The following EMILIN2 variants were observed in gnomAD, a reference collection of about 807,000 sequenced individuals.
EMILIN2 encodes elastin microfibril interfacer 2, also known as EMILIN-2.
Under a neutral mutation model 87.1 loss-of-function variants are expected in EMILIN2, and 71 were observed. The observed-to-expected ratio is 0.82, with a 90% CI of 0.67 to 0.99. The LOEUF (loss-of-function observed/expected upper bound fraction) is 0.99, where lower values mean the gene tolerates loss of function less well. Ranked by LOEUF, EMILIN2 falls within the 50% of genes least tolerant of loss-of-function variation. The probability of loss-of-function intolerance (pLI) is 0.00; values close to 1 mark genes in which losing one functional copy is unlikely to be tolerated. For synonymous variants in EMILIN2, 581 were observed against 563.4 expected, an observed-to-expected ratio of 1.03 and a Z score of -0.44; for missense variants, 1,407 against 1,371.8, an observed-to-expected ratio of 1.03 and a Z score of -0.40.
chr18:2,905,775 G>GTTT (rs1006831509), intron 4 of EMILIN2, among the ~76,000 whole-genome samples: 1 of 92,714 alleles, frequency 1.1e-5, no homozygotes, highest in Non-Finnish European at 2.2e-5. Flanking sequence ...GCTAATTTTT[G>GTTT]TTTTTTTGTT....
chr18:2,883,980 G>A (rs1278502740), intron 2 of EMILIN2, among the ~76,000 whole-genome samples: 2 of 152,078 alleles, frequency 1.3e-5, no homozygotes, highest in African/African-American at 2.4e-5. Context: ...TTTTGAGTTG[G>A]AGTCTTGCTC....
Position 2,892,240 on chromosome 18 carries a change from A to G in EMILIN2, c.2113A>G (p.Arg705Gly), listed in dbSNP as rs1555668969. Residue 705 changes from arginine (R) to glycine (G), a missense_variant, in exon 4 of 8, where the codon AGG becomes GGG. Arg to Gly is a moderately radical substitution (Grantham distance 125). Coordinates refer to ENST00000254528, the MANE Select transcript of EMILIN2 (RefSeq NM_032048.3). ...GAGGGAGGTCTCCATGGTGGAGGGC[A>G]GGGTGTCTCATATGGAGAAAACTTG... The part of the protein sequence containing the change: ...VQREVSMVEG[R>G]VSHMEKTCSK... 6.2e-7 allele frequency: 1 copy of G among 1,612,648 alleles called. No homozygotes were observed. The highest frequency in any genetic ancestry group is 1.1e-5 in the South Asian group (1 of 91,036).
intron 2 of EMILIN2, among the ~76,000 whole-genome samples, chr18:2,860,423 T>G (rs1403085080): frequency 1.3e-5 from 2 of 152,160 alleles, no homozygotes; most frequent in African/African-American, 4.8e-5. Context: ...GTGTGTGATG[T>G]TCCCCTTCCT....
rs1207984280 is a variant in EMILIN2, at chr18:2,892,149, G to A, written c.2022G>A (p.Trp674Ter). Residue 674 changes from tryptophan (W) to a stop codon, truncating the protein, a stop_gained, in exon 4 of 8, where the codon TGG becomes TGA. Coordinates refer to ENST00000254528, the MANE Select transcript of EMILIN2 (RefSeq NM_032048.3). LOFTEE classifies it high-confidence loss of function. ...AHCCSQLEER[W>*]QRLQSQVISE... ...GCTGCAGTCAGCTGGAGGAGAGGTG[G>A]CAGAGGTTGCAGAGCCAGGTCATCT... 1.9e-6 allele frequency: 3 copies of A among 1,607,916 alleles called. No individual in the cohort carries two copies. Among genetic ancestry groups the A allele is most frequent in the Non-Finnish European group, 2.6e-6 (3 of 1,175,914 alleles).
chr18:2,852,349 C>T (rs1327587471), intron 2 of EMILIN2, among the ~76,000 whole-genome samples: 3 of 152,094 alleles, frequency 2.0e-5, no homozygotes, highest in Admixed American at 2.0e-4. Context: ...CTGCATGGAC[C>T]AGTGAGCTCG....
chr18:2,863,431 G>C (rs956389870), intron 2 of EMILIN2, among the ~76,000 whole-genome samples: 1 of 151,994 alleles, frequency 6.6e-6, no homozygotes, highest in Non-Finnish European at 1.5e-5. Flanking sequence ...CTTTGTTCTC[G>C]TTGGTTTCAC....
At chr18:2,846,874 G>T, upstream of EMILIN2, 1 of 985,174 alleles carries the variant, frequency 1.0e-6, no homozygotes, top group South Asian at 4.7e-5. This position sits in a 1 kb window ranked among gnomAD's most constrained non-coding sequence, Gnocchi z 5.3. Context: ...GAAGCGAAGG[G>T]ACTGGAGACG....
At chr18:2,868,421 T>C (rs2076701042) in intron 2 of EMILIN2, among the ~76,000 whole-genome samples, 2 of 152,178 alleles carry the variant, frequency 1.3e-5, no homozygotes, top group African/African-American at 2.4e-5. Context: ...GACTGCAATC[T>C]CGGCTCTTTG....
chr18:2,858,791 A>T (rs910959733), intron 2 of EMILIN2, among the ~76,000 whole-genome samples: 13 of 150,876 alleles, frequency 8.6e-5, no homozygotes, highest in Non-Finnish European at 1.0e-4. Flanking sequence ...GCCTGCCACC[A>T]TGCCCGGCTA....
chr18:2,885,189 T>G, intron 3 of EMILIN2, 50 bp downstream of exon 3: 17 of 1,486,246 alleles, frequency 1.1e-5, no homozygotes, highest in Non-Finnish European at 1.4e-5. Context: ...ATATTTCCGG[T>G]GCTCCTTCAA....
At chr18:2,876,133 C>A (rs1179732777) in intron 2 of EMILIN2, among the ~76,000 whole-genome samples, 1 of 151,842 alleles carries the variant, frequency 6.6e-6, no homozygotes, top group Non-Finnish European at 1.5e-5. Flanking sequence ...AGGCGCGTGC[C>A]ACCACACCCA....
At position 2,906,768 on chromosome 18, in the gene EMILIN2, C is replaced by A; in HGVS notation, c.2360-15C>A. ...TCCTAATCCCGTGTGTTTCTTTCTC[C>A]CCGACGCCCGGCAGAGGCGCCCTCG... On this transcript the variant is annotated splice_polypyrimidine_tract_variant and intron_variant, in intron 4 of 7. Coordinates refer to ENST00000254528, the MANE Select transcript of EMILIN2 (RefSeq NM_032048.3). 1 of 1,255,552 alleles carries A rather than the reference C, an allele frequency of 8.0e-7. No individual in the cohort carries two copies. Among genetic ancestry groups the A allele is most frequent in the Non-Finnish European group, 1.0e-6 (1 of 1,003,832 alleles). The allele number at this position is 1,255,552 out of a possible 1,614,324, so 77.8% of individuals were successfully genotyped here. A position where few individuals can be genotyped will look rare whatever the true frequency, so the allele number is the denominator to read the frequency against.
At position 2,913,620 on chromosome 18, in the gene EMILIN2, G is replaced by A; in HGVS notation, c.*216G>A. The A allele has an allele frequency of 1.9e-6, 1 of 528,428 alleles. No homozygotes were observed. 32.7% of individuals were successfully genotyped at this position (528,428 alleles called of 1,614,324 possible). On this transcript the variant is annotated 3_prime_UTR_variant, in exon 8 of 8. Coordinates refer to ENST00000254528, the MANE Select transcript of EMILIN2 (RefSeq NM_032048.3). ...GGTGAACATGGCCACTGACTTTTCT[G>A]CCACTCTAACTGGACAACTGGAAGA... is the stretch of plus-strand genomic sequence containing the variant.
intron 2 of EMILIN2, among the ~76,000 whole-genome samples, chr18:2,882,839 C>T (rs576641132): frequency 4.0e-5 from 6 of 151,024 alleles, no homozygotes; most frequent in African/African-American, 4.9e-5. Context: ...GCCGAGATCG[C>T]GCCATTGTAC....
chr18:2,913,748 G>A lies in EMILIN2; in HGVS notation c.*344G>A. ...ACTGTGGGCTGGGAGGAGGGAGGCA[G>A]GGGAGAGCCGGTCACGGTGGCTGGT... On this transcript the variant is annotated 3_prime_UTR_variant, in exon 8 of 8. Coordinates refer to ENST00000254528, the MANE Select transcript of EMILIN2 (RefSeq NM_032048.3). 4.0e-6 allele frequency: 1 copy of A among 252,368 alleles called. No individual in the cohort carries two copies. Among genetic ancestry groups the A allele is most frequent in the Non-Finnish European group, 7.6e-6 (1 of 130,960 alleles). 15.6% of individuals were successfully genotyped at this position (252,368 alleles called of 1,614,324 possible). A position where few individuals can be genotyped will look rare whatever the true frequency, so the allele number is the denominator to read the frequency against.
upstream of EMILIN2, chr18:2,846,917 G>C (rs917904785): frequency 1.0e-4 from 102 of 990,724 alleles, no homozygotes; most frequent in Non-Finnish European, 1.2e-4. The surrounding 1 kb of genome is among the most constrained non-coding windows in gnomAD (Gnocchi z 5.3). Context: ...TCACGTTTCG[G>C]AGAGGGAAGT....
chr18:2,885,222 A>G (rs2076797713), intron 3 of EMILIN2, 83 bp downstream of exon 3: 2 of 1,427,166 alleles, frequency 1.4e-6, no homozygotes, highest in Admixed American at 2.5e-5. Context: ...GTGCTTTACA[A>G]TGGTGAGCTT....
At chr18:2,852,414 T>C (rs1038570337) in intron 2 of EMILIN2, among the ~76,000 whole-genome samples, 1 of 152,188 alleles carries the variant, frequency 6.6e-6, no homozygotes, top group Non-Finnish European at 1.5e-5. Flanking sequence ...AACATGAAAC[T>C]TGTCACAGGG....
In EMILIN2 at chr18:2,905,779, T is replaced by G. The variant is rs1401864030; in HGVS notation, c.2360-1004T>G. ...CACTACCCCGGGCTAATTTTTGTTT[T>G]TTTGTTTTTTTTTTTTGGATATTTG... On this transcript the variant is annotated intron_variant, in intron 4 of 7. Coordinates refer to ENST00000254528, the MANE Select transcript of EMILIN2 (RefSeq NM_032048.3). Among the ~76,000 whole-genome samples, 103 of 100,878 alleles carry G rather than the reference T, an allele frequency of 1.0e-3. 1 individual carries two copies. The highest frequency in any genetic ancestry group is 2.8e-3 in the African/African-American group (60 of 21,806). The allele number at this position is 100,878 out of a possible 152,430, so 66.2% of individuals were successfully genotyped here.
Sources: gnomAD v4.1 joint callset for allele counts (sites outside exome capture counted in the v4.1 genomes callset) on GRCh38, gnomAD v4.1.1 for gene constraint, Gnocchi (gnomAD v3.1) non-coding constraint, MANE v1.5 for transcripts, NCBI Gene and HGNC (gene_info 2026-07-23, HGNC 2026-07-21) for gene names.